Variants in DACT3 observed in about 807,000 individuals in gnomAD.
The protein encoded by DACT3 is dapper homolog 3.
A neutral mutation model predicts 19.6 loss-of-function variants in DACT3; 5 were observed. The ratio of observed to expected loss-of-function variants is 0.26; its 90% CI spans 0.13 to 0.54. DACT3 has a LOEUF of 0.54. Ranked by LOEUF, DACT3 falls within the 20% of genes least tolerant of loss-of-function variation. The pLI is 0.95. For missense variants in DACT3, 908 were observed against 927.4 expected (o/e 0.98, Z 0.27); for synonymous variants, 454 against 428.1 (o/e 1.06, Z -0.75).
intron 1 of DACT3, among the ~76,000 whole-genome samples, chr19:46,655,919 CTCTCTCTATA>C (rs1568698848): frequency 1.8e-5 from 2 of 108,452 alleles, no homozygotes; most frequent in East Asian, 2.4e-4. Context: ...CTCTCTCTCT[CTCTCTCTATA>C]TATATATATA....
intron 1 of DACT3, among the ~76,000 whole-genome samples, chr19:46,655,909 C>CTT (rs2053029270): frequency 2.0e-5 from 2 of 101,756 alleles, no homozygotes; most frequent in East Asian, 5.0e-4. Flanking sequence ...CAGTCTCTCT[C>CTT]TCTCTCTCTC....
Position 46,648,847 on chromosome 19 carries a change from G to A in DACT3, c.1525C>T (p.Pro509Ser). 4 of 1,471,796 alleles carry A rather than the reference G, an allele frequency of 2.7e-6. No homozygotes were observed. Among genetic ancestry groups the A allele is most frequent in the Non-Finnish European group, 3.6e-6 (4 of 1,121,490 alleles). 91.2% of individuals were successfully genotyped at this position (1,471,796 alleles called of 1,614,324 possible). Reference protein sequence around the residue: ...VPGPGPSPSAPQRRLLYGCAG... With the variant: ...VPGPGPSPSASQRRLLYGCAG... Reference sequence around the variant, plus strand: ...CAGCCGTAAAGCAGACGACGCTGGGGAGCTGACGGGGACGGGCCGGGGCCG... The same window carrying A: ...CAGCCGTAAAGCAGACGACGCTGGGAAGCTGACGGGGACGGGCCGGGGCCG... The change falls in exon 4 of 4, where the codon CCC becomes TCC. Residue 509 changes from proline to serine, a missense_variant. This residue lies in a region of DACT3 where 656 missense variants were observed against 601.8 expected (regional missense o/e 1.09). Coordinates refer to ENST00000391916, the MANE Select transcript of DACT3 (RefSeq NM_145056.3). This position sits in a 1 kb window ranked among gnomAD's most constrained non-coding sequence, Gnocchi z 5.1.
intron 1 of DACT3, chr19:46,654,995 A>G: frequency 2.0e-6 from 2 of 985,388 alleles, no homozygotes; most frequent in Non-Finnish European, 2.4e-6. Flanking sequence ...CGGAACTCAA[A>G]AAAGCAGCTG....
At chr19:46,659,244 G>C (rs908809031) in intron 1 of DACT3, 5 of 985,208 alleles carry the variant, frequency 5.1e-6, no homozygotes, top group Non-Finnish European at 6.0e-6. Context: ...ACTGGGGGGT[G>C]GGGGGACAGG....
At chr19:46,655,936 T>C (rs930657705) in intron 1 of DACT3, among the ~76,000 whole-genome samples, 1 of 150,612 alleles carries the variant, frequency 6.6e-6, no homozygotes, top group Admixed American at 6.7e-5. Flanking sequence ...TATATATATA[T>C]ATATATATAT....
rs985604836 is a variant in DACT3, at chr19:46,648,165, T to C, written c.*317A>G. 3.3e-6 allele frequency: 1 copy of C among 302,868 alleles called. No individual in the cohort carries two copies. The highest frequency in any genetic ancestry group is 6.1e-6 in the Non-Finnish European group (1 of 162,688). 18.8% of individuals were successfully genotyped at this position (302,868 alleles called of 1,614,324 possible). On this transcript the variant is annotated 3_prime_UTR_variant, in exon 4 of 4. Transcript: ENST00000391916. The surrounding 1 kb of genome is among the most constrained non-coding windows in gnomAD (Gnocchi z 5.1). ...GGCTTCTAAACTAAAACGGGGAAATTCAAACCGAATTACCCCTTTTGCATA... is the reference window on the plus strand; with the variant it reads ...GGCTTCTAAACTAAAACGGGGAAATCCAAACCGAATTACCCCTTTTGCATA...
At chr19:46,652,307 C>T (rs2052993263) in intron 3 of DACT3, 1 of 314,122 alleles carries the variant, frequency 3.2e-6, no homozygotes. Flanking sequence ...GATCCTCCCA[C>T]CTCAGCCTCC....
Position 46,648,393 on chromosome 19 carries a change from G to A in DACT3, c.*89C>T. ...GTCTTTGGAAGCAGAGAAAACGATG[G>A]TCTTTGGAAGGTAGATGTGGAAGGG... On this transcript the variant is annotated 3_prime_UTR_variant, in exon 4 of 4. Transcript: ENST00000391916. The surrounding 1 kb of genome is among the most constrained non-coding windows in gnomAD (Gnocchi z 5.1). 1 of 1,593,380 alleles carries A rather than the reference G, an allele frequency of 6.3e-7. No individual in the cohort carries two copies. The highest frequency in any genetic ancestry group is 1.7e-5 in the Admixed American group (1 of 57,498).
Position 46,649,541 on chromosome 19 carries a change from G to T in DACT3, c.831C>A (p.Gly277=). 1 of 1,045,376 alleles carries T rather than the reference G, an allele frequency of 9.6e-7. No individual in the cohort carries two copies. The highest frequency in any genetic ancestry group is 1.1e-6 in the Non-Finnish European group (1 of 871,562). The allele number at this position is 1,045,376 out of a possible 1,614,324, so 64.8% of individuals were successfully genotyped here. The part of the protein sequence containing the change: ...QPRTSPGGAD[G]GPRRQNSVRQ... Reference sequence around the variant, plus strand: ...GCACGCTGTTCTGGCGCCGCGGGCCGCCGTCCGCGCCCCCGGGACTGGTCC... The same window carrying T: ...GCACGCTGTTCTGGCGCCGCGGGCCTCCGTCCGCGCCCCCGGGACTGGTCC... Residue 277 remains glycine (G), a synonymous_variant, in exon 4 of 4, where the codon GGC becomes GGA. Transcript: ENST00000391916.
chr19:46,655,730 C>G (rs1204420770), intron 1 of DACT3, among the ~76,000 whole-genome samples: 1 of 152,096 alleles, frequency 6.6e-6, no homozygotes, highest in Non-Finnish European at 1.5e-5. Flanking sequence ...CAGGTGCACC[C>G]CCACCCAGTG....
Position 46,649,463 on chromosome 19 carries a change from C to G in DACT3, c.909G>C (p.Arg303=). The change falls in exon 4 of 4, where the codon CGG becomes CGC. Residue 303 remains arginine (R), a synonymous_variant. Transcript: ENST00000391916. ...CCCCGACGCGCTCCAACGAGGGCTC[C>G]CGCGCGGGTCGCGCGCTGCCGGGGG... ...SPSPGSARPA[R]EPSLERVGGH... 8.5e-7 allele frequency: 1 copy of G among 1,179,240 alleles called. No homozygotes were observed. The highest frequency in any genetic ancestry group is 1.0e-6 in the Non-Finnish European group (1 of 953,292). The allele number at this position is 1,179,240 out of a possible 1,614,324, so 73.0% of individuals were successfully genotyped here.
rs2052937061 is a variant in DACT3, at chr19:46,648,213, G to A, written c.*269C>T. On this transcript the variant is annotated 3_prime_UTR_variant, in exon 4 of 4. Transcript: ENST00000391916. This position sits in a 1 kb window ranked among gnomAD's most constrained non-coding sequence, Gnocchi z 5.1. The stretch of plus-strand genomic sequence containing the variant: ...ATACATGGACACTTACTGTACAGAT[G>A]AGGAAAGTGACGCCCAGAGAAGGGG... 5.5e-6 allele frequency: 3 copies of A among 544,294 alleles called. No homozygotes were observed. The highest frequency in any genetic ancestry group is 6.6e-6 in the Non-Finnish European group (2 of 304,346). 33.7% of individuals were successfully genotyped at this position (544,294 alleles called of 1,614,324 possible). A position where few individuals can be genotyped will look rare whatever the true frequency, so the allele number is the denominator to read the frequency against.
chr19:46,654,765 G>A (rs1599791688), intron 1 of DACT3: 1 of 985,366 alleles, frequency 1.0e-6, no homozygotes, highest in East Asian at 1.1e-4. Flanking sequence ...GGGAGGGCAG[G>A]CACCCAACCC....
rs2052947128 is a variant in DACT3, at chr19:46,648,882, G to A, written c.1490C>T (p.Ala497Val). Residue 497 changes from alanine (A) to valine (V), a missense_variant, in exon 4 of 4, where the codon GCG (alanine) becomes GTG (valine). Ala to Val is a moderately conservative substitution (Grantham distance 64). Around this residue, in one of 2 missense-constraint regions of DACT3, gnomAD observed 656 missense variants for 601.8 expected, o/e 1.09. Transcript: ENST00000391916. This position sits in a 1 kb window ranked among gnomAD's most constrained non-coding sequence, Gnocchi z 5.1. ...GRRVRPRAPAARVPGPGPSPS... is the reference protein window; with the variant it reads ...GRRVRPRAPAVRVPGPGPSPS... ...GGACGGGCCGGGGCCGGGAACACGC[G>A]CCGCAGGGGCTCGGGGCCGCACGCG... is the stretch of plus-strand genomic sequence containing the variant. 2.9e-6 allele frequency: 4 copies of A among 1,402,146 alleles called. No homozygotes were observed. The highest frequency in any genetic ancestry group is 3.7e-6 in the Non-Finnish European group (4 of 1,089,078). 86.9% of individuals were successfully genotyped at this position (1,402,146 alleles called of 1,614,324 possible).
intron 1 of DACT3, among the ~76,000 whole-genome samples, chr19:46,657,808 T>C (rs2053044223): frequency 6.6e-6 from 1 of 152,010 alleles, no homozygotes. Context: ...CCCAACAACT[T>C]TGGGAGACCG....
In DACT3 at chr19:46,649,316, G is replaced by A. The variant is rs2122437031; in HGVS notation, c.1056C>T (p.Gly352=). 2 of 1,237,522 alleles carry A rather than the reference G, an allele frequency of 1.6e-6. No homozygotes were observed. Among genetic ancestry groups the A allele is most frequent in the South Asian group, 4.9e-5 (2 of 40,872 alleles). The allele number at this position is 1,237,522 out of a possible 1,614,324, so 76.7% of individuals were successfully genotyped here. The change falls in exon 4 of 4, where the codon GGC becomes GGT. Residue 352 remains glycine, a synonymous_variant. Coordinates refer to ENST00000391916, the MANE Select transcript of DACT3 (RefSeq NM_145056.3). ...GGATGTACTGCGCCTTCACCAAGCG[G>A]CCCTCAGCCGGGCTGTCGGGGGGTG... ...APSPPDSPAE[G]RLVKAQYIPG...
chr19:46,656,713 C>A (rs2053036836), intron 1 of DACT3, among the ~76,000 whole-genome samples: 1 of 152,162 alleles, frequency 6.6e-6, no homozygotes. Context: ...TACTATACAG[C>A]TGTTAAAACG....
At chr19:46,658,188 T>C (rs1399827041) in intron 1 of DACT3, among the ~76,000 whole-genome samples, 1 of 150,408 alleles carries the variant, frequency 6.6e-6, no homozygotes, top group African/African-American at 2.5e-5. Context: ...AGCCCAGGAG[T>C]TGGAGACCAG....
At chr19:46,656,261 G>A (rs2053033891) in intron 1 of DACT3, among the ~76,000 whole-genome samples, 1 of 151,822 alleles carries the variant, frequency 6.6e-6, no homozygotes, top group Admixed American at 6.6e-5. Context: ...TGTTGGCCAG[G>A]TTGGTCTCGA....
Sources: allele counts gnomAD v4.1 joint callset (sites outside exome capture counted in the v4.1 genomes callset), GRCh38; gene constraint gnomAD v4.1.1; regional missense constraint gnomAD v4.1.1; non-coding constraint Gnocchi (gnomAD v3.1); transcripts MANE v1.5; gene names NCBI Gene and HGNC (gene_info 2026-07-23, HGNC 2026-07-21).